The following PCDH1 variants were observed in gnomAD, a reference collection of about 807,000 sequenced individuals.
PCDH1 encodes protocadherin-1.
In PCDH1, 23 loss-of-function variants were observed where a neutral mutation model predicts 74.6. That is an observed-to-expected ratio of 0.31 (90% CI 0.22 to 0.44). PCDH1 has a LOEUF of 0.44. Among genes scored for constraint, PCDH1 ranks in the 20% least tolerant of loss-of-function variants. PCDH1 has a pLI of 1.00. For missense variants in PCDH1, 1,214 were observed against 1,641.4 expected, an observed-to-expected ratio of 0.74 and a Z score of 4.50; for synonymous variants, 647 against 686.1, an observed-to-expected ratio of 0.94 and a Z score of 0.89.
chr5:141,868,794 C>G lies in PCDH1; in HGVS notation c.678G>C (p.Glu226Asp). The G allele has an allele frequency of 6.2e-7, 1 of 1,614,228 alleles. No homozygotes were observed. ...LFGLQVAEDQ[E>D]EKQPQLIVMG... ...TCACAATGAGCTGTGGTTGCTTCTCCTCCTGGTCCTCTGCCACCTGCAGCC... is the reference window on the plus strand; with the variant it reads ...TCACAATGAGCTGTGGTTGCTTCTCGTCCTGGTCCTCTGCCACCTGCAGCC... The change falls in exon 2 of 5, where the codon GAG (glutamate) becomes GAC (aspartate). Residue 226 changes from glutamate (E) to aspartate (D), a missense_variant. Coordinates refer to ENST00000287008, the MANE Select transcript of PCDH1 (RefSeq NM_032420.5). The surrounding 1 kb of genome is among the most constrained non-coding windows in gnomAD (Gnocchi z 4.8).
At chr5:141,854,902 C>A (rs377291777) in intron 4 of PCDH1, among the ~76,000 whole-genome samples, 30 of 150,024 alleles carry the variant, frequency 2.0e-4, no homozygotes, top group African/African-American at 5.4e-4. Context: ...GAACTCCTGA[C>A]CTCAGGTGAT....
chr5:141,867,738 CACATCAAAGAG>C (rs1366850566), intron 2 of PCDH1: 5 of 377,960 alleles, frequency 1.3e-5, no homozygotes, highest in Non-Finnish European at 2.6e-5. Context: ...TCAGCTCCCT[CACATCAAAGAG>C]AGAGGCATCT....
At chr5:141,874,887 A>C (rs987251831) in intron 1 of PCDH1, among the ~76,000 whole-genome samples, 3 of 152,050 alleles carry the variant, frequency 2.0e-5, no homozygotes, top group Non-Finnish European at 4.4e-5. Context: ...GCTGAACAGA[A>C]GCCTCCCACA....
At chr5:141,872,580 A>C (rs943157710) in intron 1 of PCDH1, among the ~76,000 whole-genome samples, 2 of 152,172 alleles carry the variant, frequency 1.3e-5, no homozygotes, top group African/African-American at 4.8e-5. Flanking sequence ...TGGCCACTCC[A>C]AGAGCTACGA....
At chr5:141,858,158 A>G (rs896651886) in intron 3 of PCDH1, among the ~76,000 whole-genome samples, 1 of 152,164 alleles carries the variant, frequency 6.6e-6, no homozygotes, top group Non-Finnish European at 1.5e-5. Flanking sequence ...ATGTTGCAGC[A>G]GTCTGAAGAC....
At chr5:141,874,991 G>A (rs1176467474) in intron 1 of PCDH1, among the ~76,000 whole-genome samples, 2 of 152,020 alleles carry the variant, frequency 1.3e-5, no homozygotes, top group African/African-American at 2.4e-5. Context: ...ATGTCAGATC[G>A]TTGGGGTTAG....
At position 141,878,114 on chromosome 5, in the gene PCDH1, T is replaced by G; in HGVS notation, c.40+109A>C. Reference sequence around the variant, plus strand: ...TCAGCCCCCTCGCGCCGAGCTCGTGTTGGGCCCCCGCGGCCTCGCTCCGCC... The same window carrying G: ...TCAGCCCCCTCGCGCCGAGCTCGTGGTGGGCCCCCGCGGCCTCGCTCCGCC... On this transcript the variant is annotated intron_variant, in intron 1 of 4. Coordinates refer to ENST00000287008, the MANE Select transcript of PCDH1 (RefSeq NM_032420.5). This position sits in a 1 kb window ranked among gnomAD's most constrained non-coding sequence, Gnocchi z 5.5. The G allele has an allele frequency of 9.6e-7, 1 of 1,041,594 alleles. No individual in the cohort carries two copies. The highest frequency in any genetic ancestry group is 1.3e-6 in the Non-Finnish European group (1 of 783,518). 64.5% of individuals were successfully genotyped at this position (1,041,594 alleles called of 1,614,324 possible).
At position 141,864,426 on chromosome 5, in the gene PCDH1, A is replaced by T; in HGVS notation, c.1905T>A (p.Thr635=). Residue 635 remains threonine, a synonymous_variant, in exon 3 of 5, where the codon ACT becomes ACA. Coordinates refer to ENST00000287008, the MANE Select transcript of PCDH1 (RefSeq NM_032420.5). This position sits in a 1 kb window ranked among gnomAD's most constrained non-coding sequence, Gnocchi z 5.9. ...TCTCCCCCTTGTCTCCATCAATGAC[A>T]GTCACCATGCCCACTGGACTCAGTG... is the stretch of plus-strand genomic sequence containing the variant. ...MPALSPVGMV[T]VIDGDKGENA... 1 of 1,614,148 alleles carries T rather than the reference A, an allele frequency of 6.2e-7. No homozygotes were observed. The highest frequency in any genetic ancestry group is 1.1e-5 in the South Asian group (1 of 91,076).
At chr5:141,857,047 T>C (rs1433877980) in intron 4 of PCDH1, among the ~76,000 whole-genome samples, 1 of 152,216 alleles carries the variant, frequency 6.6e-6, no homozygotes, top group Non-Finnish European at 1.5e-5. Flanking sequence ...CTCAGTTTCC[T>C]CCACTGTAAA....
chr5:141,856,619 C>G (rs1752349987), intron 4 of PCDH1, among the ~76,000 whole-genome samples: 2 of 152,128 alleles, frequency 1.3e-5, no homozygotes, highest in South Asian at 4.1e-4. Flanking sequence ...CCATGCCGAC[C>G]TCTGCGCTGG....
rs1226495701 is a variant in PCDH1, at chr5:141,863,418, A to G, written c.2913T>C (p.Ser971=). ...GCTGGATGGAAGGCAGTGGGGAGTT[A>G]GAGCGATAGTGGCGGCCCAGGTCAG... ...GSPDLGRHYR[S]NSPLPSIQLQ... The change falls in exon 3 of 5, where the codon TCT becomes TCC. Residue 971 remains serine, a synonymous_variant. Transcript: ENST00000287008. The surrounding 1 kb of genome is among the most constrained non-coding windows in gnomAD (Gnocchi z 7.5). 2.8e-5 allele frequency: 43 copies of G among 1,561,260 alleles called. No homozygotes were observed. In the East Asian group the frequency reaches 9.2e-4, roughly 34 times the overall value.
rs1223459049 is a variant in PCDH1, at chr5:141,868,377, T to C, written c.903+192A>G. 9 of 1,359,944 alleles carry C rather than the reference T, an allele frequency of 6.6e-6. No individual in the cohort carries two copies. The highest frequency in any genetic ancestry group is 8.5e-6 in the Non-Finnish European group (9 of 1,060,744). 84.2% of individuals were successfully genotyped at this position (1,359,944 alleles called of 1,614,324 possible). ...CTATTTCACTGTCACCTAAGTAGCC[T>C]GATAGAGGAAAGTAATATCACCTGC... On this transcript the variant is annotated intron_variant, in intron 2 of 4. Coordinates refer to ENST00000287008, the MANE Select transcript of PCDH1 (RefSeq NM_032420.5). This position sits in a 1 kb window ranked among gnomAD's most constrained non-coding sequence, Gnocchi z 4.8.
chr5:141,872,879 G>A (rs1041191019), intron 1 of PCDH1, among the ~76,000 whole-genome samples: 3 of 152,208 alleles, frequency 2.0e-5, no homozygotes, highest in African/African-American at 7.2e-5. Context: ...GAAAGTAGGA[G>A]GAATGTGGGG....
chr5:141,868,844 C>T lies in PCDH1; in HGVS notation c.628G>A (p.Gly210Arg), dbSNP rs1457514528. ...CCAAATAGCTCCTGGGCCTCAGGCCCAGCCTGCAGCTCATAGGATGCCACA... is the reference window on the plus strand; with the variant it reads ...CCAAATAGCTCCTGGGCCTCAGGCCTAGCCTGCAGCTCATAGGATGCCACA... ...NGVASYELQA[G>R]PEAQELFGLQ... Residue 210 changes from glycine (G) to arginine (R), a missense_variant, in exon 2 of 5, where the codon GGG becomes AGG. Physicochemically the swap from Gly to Arg is moderately radical, Grantham distance 125 (BLOSUM62 -2). This residue lies in a region of PCDH1 where 836 missense variants were observed against 1,182.2 expected (regional missense o/e 0.71). Coordinates refer to ENST00000287008, the MANE Select transcript of PCDH1 (RefSeq NM_032420.5). The surrounding 1 kb of genome is among the most constrained non-coding windows in gnomAD (Gnocchi z 4.8). 6.2e-7 allele frequency: 1 copy of T among 1,614,246 alleles called. No individual in the cohort carries two copies. The highest frequency in any genetic ancestry group is 1.7e-5 in the Admixed American group (1 of 60,036).
intron 3 of PCDH1, among the ~76,000 whole-genome samples, chr5:141,860,131 C>T (rs1344726055): frequency 1.3e-5 from 2 of 152,144 alleles, no homozygotes; most frequent in Non-Finnish European, 2.9e-5. Context: ...AAGCCCATTT[C>T]CATGTCTTGT....
intron 3 of PCDH1, 93 bp from the exon 4 acceptor site, chr5:141,857,564 A>T: frequency 9.4e-7 from 1 of 1,066,542 alleles, no homozygotes; most frequent in Non-Finnish European, 1.3e-6. Context: ...GCACCATCCT[A>T]CTCAGGCTTC....
At position 141,864,014 on chromosome 5, in the gene PCDH1, C is replaced by T; in HGVS notation, c.2317G>A (p.Ala773Thr). The T allele has an allele frequency of 6.2e-7, 1 of 1,614,070 alleles. No individual in the cohort carries two copies. The highest frequency in any genetic ancestry group is 8.5e-7 in the Non-Finnish European group (1 of 1,180,014). Residue 773 changes from alanine (A) to threonine (T), a missense_variant, in exon 3 of 5, where the codon GCC becomes ACC. By Grantham distance (58) the Ala-to-Thr change is moderately conservative. Coordinates refer to ENST00000287008, the MANE Select transcript of PCDH1 (RefSeq NM_032420.5). This position sits in a 1 kb window ranked among gnomAD's most constrained non-coding sequence, Gnocchi z 5.9. ...GLFQIGSHSG[A>T]ITLEKEIERR... ...TCAATCTCCTTCTCCAGGGTGATGG[C>T]ACCTGAATGTGACCCAATCTGGAAG...
Position 141,856,837 on chromosome 5 carries a change from C to G in PCDH1, c.3319+415G>C, listed in dbSNP as rs778776114. ...AGGCCTTCCCAACCTTAGAGGACCA[C>G]CACCCACCTTCTCAAGGTTTCCTCA... On this transcript the variant is annotated intron_variant, in intron 4 of 4. Coordinates refer to ENST00000287008, the MANE Select transcript of PCDH1 (RefSeq NM_032420.5). Among the ~76,000 whole-genome samples, 4 of 152,172 alleles carry G rather than the reference C, an allele frequency of 2.6e-5. No homozygotes were observed. In the South Asian group the frequency reaches 6.2e-4, roughly 24 times the overall value.
At chr5:141,867,561 G>A (rs759130018) in intron 2 of PCDH1, 1 of 454,702 alleles carries the variant, frequency 2.2e-6, no homozygotes, top group South Asian at 1.6e-5. Flanking sequence ...ATCCCCGACT[G>A]TCTGTCTCCC....
Sources: allele counts gnomAD v4.1 joint callset (sites outside exome capture counted in the v4.1 genomes callset), GRCh38; gene constraint gnomAD v4.1.1; regional missense constraint gnomAD v4.1.1; non-coding constraint Gnocchi (gnomAD v3.1); transcripts MANE v1.5; gene names NCBI Gene and HGNC (gene_info 2026-07-23, HGNC 2026-07-21).